The following DDAH1 variants were observed in gnomAD, a reference collection of about 807,000 sequenced individuals.
The protein encoded by DDAH1 is dimethylarginine dimethylaminohydrolase 1.
A neutral mutation model predicts 28.8 loss-of-function variants in DDAH1; 19 were observed. That is an observed-to-expected ratio of 0.66 (90% CI 0.46 to 0.97). The LOEUF is 0.97. Ranked by LOEUF, DDAH1 falls within the 50% of genes least tolerant of loss-of-function variation. The pLI is 0.00. For synonymous variants in DDAH1, 153 were observed against 154.4 expected (o/e 0.99, Z 0.07); for missense variants, 326 against 375.9 (o/e 0.87, Z 1.10).
chr1:85,511,714 T>C (rs1449363948), intron 1 of DDAH1, among the ~76,000 whole-genome samples: 2 of 152,178 alleles, frequency 1.3e-5, no homozygotes, highest in Non-Finnish European at 2.9e-5. Context: ...GAAAATACTA[T>C]AAACACCTCT....
chr1:85,567,068 T>G (rs1659327314), intron 1 of DDAH1, among the ~76,000 whole-genome samples: 1 of 152,202 alleles, frequency 6.6e-6, no homozygotes, highest in South Asian at 2.1e-4. Flanking sequence ...TCAGTCTTAT[T>G]GTTCTATTCA....
intron 1 of DDAH1, among the ~76,000 whole-genome samples, chr1:85,394,751 T>C (rs1032307996): frequency 3.9e-5 from 6 of 152,228 alleles, no homozygotes; most frequent in Non-Finnish European, 8.8e-5. Flanking sequence ...TAGGTGAAAG[T>C]AAATGAGTTA....
At chr1:85,356,724 T>TA in intron 2 of DDAH1, among the ~76,000 whole-genome samples, 1 of 152,124 alleles carries the variant, frequency 6.6e-6, no homozygotes, top group South Asian at 2.1e-4. Flanking sequence ...ATATAACAAA[T>TA]AAAAAAAGTC....
intron 5 of DDAH1, among the ~76,000 whole-genome samples, chr1:85,323,427 T>G (rs889793338): frequency 2.0e-5 from 3 of 152,194 alleles, no homozygotes; most frequent in Admixed American, 2.0e-4. Context: ...TAGATGAGAC[T>G]GGCAGAGTAT....
chr1:85,506,376 G>GT (rs920441402), intron 1 of DDAH1, among the ~76,000 whole-genome samples: 3 of 152,106 alleles, frequency 2.0e-5, no homozygotes, highest in Admixed American at 6.6e-5. Context: ...TTCTGCAGCA[G>GT]TTTTTTTAAA....
chr1:85,469,060 CT>C (rs1655523866), upstream of DDAH1, among the ~76,000 whole-genome samples: 2 of 152,226 alleles, frequency 1.3e-5, no homozygotes, highest in Non-Finnish European at 2.9e-5. Context: ...ATGTGAAAGG[CT>C]TAATGGGTCA....
At chr1:85,379,437 TTC>T (rs1650864052) in intron 1 of DDAH1, 1 of 237,984 alleles carries the variant, frequency 4.2e-6, no homozygotes, top group Non-Finnish European at 6.8e-6. Flanking sequence ...TGAACCACTA[TTC>T]TACAGAAAAT....
intron 1 of DDAH1, among the ~76,000 whole-genome samples, chr1:85,390,000 T>C (rs1260076124): frequency 6.6e-6 from 1 of 152,230 alleles, no homozygotes; most frequent in Non-Finnish European, 1.5e-5. Context: ...AGCATCTTTT[T>C]TACTACTTAT....
Position 85,355,468 on chromosome 1 carries a change from CTG to C in DDAH1, c.403+3278_403+3279del, listed in dbSNP as rs72228761. Among the ~76,000 whole-genome samples, 670 of 152,138 alleles carry C rather than the reference CTG, an allele frequency of 4.4e-3. 2 individuals carry two copies. Among genetic ancestry groups the C allele is most frequent in the African/African-American group, 0.016 (644 of 41,520 alleles). On this transcript the variant is annotated intron_variant, in intron 2 of 5. Transcript: ENST00000284031. ...AAATGTTATCGAACTAAATTCAACACTGTGTTAAAAAGAGAATACATCATGAT... is the reference window on the plus strand; with the variant it reads ...AAATGTTATCGAACTAAATTCAACACTGTTAAAAAGAGAATACATCATGAT...
intron 2 of DDAH1, chr1:85,495,702 A>G (rs1245983391): frequency 6.6e-6 from 1 of 152,188 alleles, no homozygotes; most frequent in Non-Finnish European, 1.5e-5. Flanking sequence ...GCAATTCACT[A>G]CTGGGAGGTC....
At chr1:85,343,866 G>A (rs1648665671) in intron 4 of DDAH1, among the ~76,000 whole-genome samples, 1 of 152,178 alleles carries the variant, frequency 6.6e-6, no homozygotes, top group Non-Finnish European at 1.5e-5. Context: ...AAGCAATGCT[G>A]CAGCTGAGTC....
intron 4 of DDAH1, among the ~76,000 whole-genome samples, chr1:85,349,728 T>G (rs901665578): frequency 6.6e-6 from 1 of 152,212 alleles, no homozygotes; most frequent in Non-Finnish European, 1.5e-5. Context: ...ACAGTCTTTA[T>G]CCTTATTGGG....
At chr1:85,334,407 C>G (rs1018798643) in intron 4 of DDAH1, among the ~76,000 whole-genome samples, 1 of 152,116 alleles carries the variant, frequency 6.6e-6, no homozygotes, top group African/African-American at 2.4e-5. Flanking sequence ...CTAAAAACAG[C>G]AAGAGAAAAA....
At chr1:85,327,855 G>A (rs770685740) in intron 4 of DDAH1, among the ~76,000 whole-genome samples, 2 of 152,128 alleles carry the variant, frequency 1.3e-5, no homozygotes, top group Admixed American at 6.5e-5. Flanking sequence ...AATAAAAGTC[G>A]GTTCACTTCC....
At chr1:85,346,393 A>T (rs925567038) in intron 4 of DDAH1, among the ~76,000 whole-genome samples, 2 of 152,168 alleles carry the variant, frequency 1.3e-5, no homozygotes, top group African/African-American at 2.4e-5. Flanking sequence ...ACCAGTAAAA[A>T]ATGGAAAGTC....
chr1:85,423,920 A>G (rs1393629265), intron 1 of DDAH1, among the ~76,000 whole-genome samples: 1 of 152,154 alleles, frequency 6.6e-6, no homozygotes, highest in Non-Finnish European at 1.5e-5. Context: ...TGCGATTTTT[A>G]TCATGAACGG....
At chr1:85,412,192 T>C (rs1652682005) in intron 1 of DDAH1, among the ~76,000 whole-genome samples, 1 of 152,234 alleles carries the variant, frequency 6.6e-6, no homozygotes, top group African/African-American at 2.4e-5. Flanking sequence ...ATAAACTGTC[T>C]TTATAATTCA....
At chr1:85,343,039 A>T (rs1001863337) in intron 4 of DDAH1, among the ~76,000 whole-genome samples, 2 of 152,220 alleles carry the variant, frequency 1.3e-5, no homozygotes, top group Non-Finnish European at 2.9e-5. Context: ...TTATAAGGCT[A>T]TGTGGCCAAC....
chr1:85,491,572 G>A (rs999715521), intron 2 of DDAH1, among the ~76,000 whole-genome samples: 18 of 152,150 alleles, frequency 1.2e-4, no homozygotes, highest in Admixed American at 1.1e-3. Context: ...CCCTAAAAGT[G>A]TGCTTGCCAC....
Sources: allele counts gnomAD v4.1 joint callset (sites outside exome capture counted in the v4.1 genomes callset), GRCh38; gene constraint gnomAD v4.1.1; transcripts MANE v1.5; gene names NCBI Gene and HGNC (gene_info 2026-07-23, HGNC 2026-07-21).